Variants in SLC35H1 observed in about 807,000 individuals in gnomAD.
SLC35H1 encodes the protein ovarian cancer-overexpressed gene 1 protein.
the SLC35H1 span, among the ~76,000 whole-genome samples, chr20:46,360,570 G>GTTTC: frequency 6.6e-6 from 1 of 150,974 alleles, no homozygotes. Flanking sequence ...TTGAGACGAA[G>GTTTC]TTTCGCTCCT....
the SLC35H1 span, among the ~76,000 whole-genome samples, chr20:46,360,603 G>C: frequency 1.3e-5 from 2 of 152,056 alleles, no homozygotes; most frequent in African/African-American, 4.8e-5. Flanking sequence ...GGAGTGCAAT[G>C]GTATAATCTC....
chr20:46,358,932 T>C, the SLC35H1 span: 4 of 623,586 alleles, frequency 6.4e-6, no homozygotes, highest in Admixed American at 7.8e-5. Flanking sequence ...CCTCAAGCTA[T>C]TCTCCATGAA....
the SLC35H1 span, chr20:46,355,490 A>T: frequency 1.6e-6 from 1 of 622,604 alleles, no homozygotes; most frequent in South Asian, 2.0e-5. This position sits in a 1 kb window ranked among gnomAD's most constrained non-coding sequence, Gnocchi z 4.8. Context: ...CTAGGCCCCC[A>T]AGTGGTCCCA....
chr20:46,358,085 C>T, the SLC35H1 span, among the ~76,000 whole-genome samples: 11 of 152,348 alleles, frequency 7.2e-5, no homozygotes, highest in Admixed American at 1.3e-4. Context: ...CGGCCCACTA[C>T]GTTGTATCAC....
At chr20:46,360,218 A>G in the SLC35H1 span, among the ~76,000 whole-genome samples, 2 of 152,206 alleles carry the variant, frequency 1.3e-5, no homozygotes, top group Non-Finnish European at 2.9e-5. Flanking sequence ...TCTGCTGTGA[A>G]CTAACACTTC....
the SLC35H1 span, among the ~76,000 whole-genome samples, chr20:46,351,663 G>A: frequency 4.6e-5 from 7 of 152,384 alleles, no homozygotes; most frequent in Non-Finnish European, 7.3e-5. Flanking sequence ...ACTCTTTCCT[G>A]ATGAGTCTGG....
At chr20:46,352,138 C>G in the SLC35H1 span, 2 of 1,614,212 alleles carry the variant, frequency 1.2e-6, no homozygotes, top group South Asian at 2.2e-5. Context: ...AGGCGAGAAT[C>G]CCGCCAAGGA....
chr20:46,355,923 C>T, the SLC35H1 span: 8 of 1,609,506 alleles, frequency 5.0e-6, no homozygotes, highest in Admixed American at 1.7e-5. This position sits in a 1 kb window ranked among gnomAD's most constrained non-coding sequence, Gnocchi z 4.8. Flanking sequence ...AGGGCTCAGA[C>T]CCATCACCGA....
At chr20:46,356,944 C>T in the SLC35H1 span, among the ~76,000 whole-genome samples, 1 of 152,146 alleles carries the variant, frequency 6.6e-6, no homozygotes, top group Non-Finnish European at 1.5e-5. Context: ...TTACTGGAAA[C>T]CCTTTTCCCT....
the SLC35H1 span, chr20:46,347,010 G>A: frequency 6.6e-6 from 1 of 152,288 alleles, no homozygotes; most frequent in Non-Finnish European, 1.5e-5. Flanking sequence ...GGCGAGTTAT[G>A]TGACGTCCTT....
chr20:46,358,428 A>C, the SLC35H1 span: 1 of 1,614,210 alleles, frequency 6.2e-7, no homozygotes, highest in Non-Finnish European at 8.5e-7. Context: ...CCGATGGAGA[A>C]GCAGTAGTAG....
the SLC35H1 span, chr20:46,354,975 G>A: frequency 1.7e-5 from 27 of 1,613,804 alleles, no homozygotes; most frequent in East Asian, 1.1e-4. Context: ...CCTGCAGGGC[G>A]GGGGACAGGC....
the SLC35H1 span, among the ~76,000 whole-genome samples, chr20:46,359,486 G>A: frequency 3.3e-5 from 5 of 152,274 alleles, no homozygotes; most frequent in Middle Eastern, 6.8e-3. Flanking sequence ...GCAGGCATGC[G>A]ATTTTCAGGG....
chr20:46,356,820 G>A, the SLC35H1 span, among the ~76,000 whole-genome samples: 1 of 152,230 alleles, frequency 6.6e-6, no homozygotes, highest in Non-Finnish European at 1.5e-5. Flanking sequence ...AAAGGTCGGG[G>A]GCTGCTCTAG....
At chr20:46,356,455 C>G in the SLC35H1 span, 1 of 984,906 alleles carries the variant, frequency 1.0e-6, no homozygotes. Flanking sequence ...GCTGAGAGAG[C>G]AAGGGCTGGT....
At chr20:46,354,745 C>T in the SLC35H1 span, 1 of 761,286 alleles carries the variant, frequency 1.3e-6, no homozygotes, top group African/African-American at 1.7e-5. Flanking sequence ...CATGCTGGAC[C>T]CCAAACCATG....
chr20:46,348,240 T>C, the SLC35H1 span: 1 of 152,198 alleles, frequency 6.6e-6, no homozygotes, highest in South Asian at 2.1e-4. Flanking sequence ...AGGGCTGTCA[T>C]TGAACCCAAC....
chr20:46,358,138 G>A, the SLC35H1 span, among the ~76,000 whole-genome samples: 3 of 152,288 alleles, frequency 2.0e-5, no homozygotes, highest in Middle Eastern at 0.01. Flanking sequence ...GTAAATAGCT[G>A]CTGCTTGAGC....
At chr20:46,355,133 A>AGGC in the SLC35H1 span, 2 of 1,614,130 alleles carry the variant, frequency 1.2e-6, no homozygotes. The surrounding 1 kb of genome is among the most constrained non-coding windows in gnomAD (Gnocchi z 4.8). Flanking sequence ...CCGATGAACG[A>AGGC]GGCCCCCAGC....
Sources: gnomAD v4.1 joint callset for allele counts (sites outside exome capture counted in the v4.1 genomes callset) on GRCh38, gnomAD v4.1.1 for gene constraint, Gnocchi (gnomAD v3.1) non-coding constraint, MANE v1.5 for transcripts, NCBI Gene and HGNC (gene_info 2026-07-23, HGNC 2026-07-21) for gene names.